The following NCOA2 variants were observed in gnomAD, a reference collection of about 807,000 sequenced individuals.
The protein encoded by NCOA2 is class E basic helix-loop-helix protein 75.
In NCOA2, 21 loss-of-function variants were observed where a neutral mutation model predicts 145.1. That is an observed-to-expected ratio of 0.14 (90% CI 0.10 to 0.21). The LOEUF (loss-of-function observed/expected upper bound fraction) is 0.21, where lower values mean the gene tolerates loss of function less well. Ranked by LOEUF, NCOA2 falls within the 10% of genes least tolerant of loss-of-function variation. NCOA2 has a pLI of 1.00. For missense variants in NCOA2, 1,472 were observed against 1,837.6 expected (o/e 0.80, Z 3.64); for synonymous variants, 619 against 637.5 (o/e 0.97, Z 0.44).
chr8:70,342,490 T>C (rs972880321), intron 1 of NCOA2, among the ~76,000 whole-genome samples: 1 of 152,058 alleles, frequency 6.6e-6, no homozygotes, highest in Non-Finnish European at 1.5e-5. Context: ...TAAATTACTT[T>C]TATGTTAAAA....
chr8:70,427,035 T>G, the NCOA2 span, among the ~76,000 whole-genome samples: 4 of 152,192 alleles, frequency 2.6e-5, no homozygotes, highest in African/African-American at 4.8e-5. Context: ...TCCTCCAACC[T>G]CAGCCTCCTG....
At chr8:70,450,392 G>T in the NCOA2 span, among the ~76,000 whole-genome samples, 1 of 152,030 alleles carries the variant, frequency 6.6e-6, no homozygotes, top group Non-Finnish European at 1.5e-5. Context: ...TAGCAAGAAG[G>T]TACCATCTCT....
chr8:70,113,437 T>A lies in NCOA2; in HGVS notation c.*195A>T. On this transcript the variant is annotated 3_prime_UTR_variant, in exon 23 of 23. Coordinates refer to ENST00000452400, the MANE Select transcript of NCOA2 (RefSeq NM_006540.4). Reference sequence around the variant, plus strand: ...GACTGTCTGGATGCGAGCTTCAGACTGTCAAGAGAAGAGGCAGCTCCTCCT... The same window carrying A: ...GACTGTCTGGATGCGAGCTTCAGACAGTCAAGAGAAGAGGCAGCTCCTCCT... The A allele has an allele frequency of 1.6e-6, 1 of 609,548 alleles. No individual in the cohort carries two copies. Among genetic ancestry groups the A allele is most frequent in the Non-Finnish European group, 2.9e-6 (1 of 342,068 alleles). 37.8% of individuals were successfully genotyped at this position (609,548 alleles called of 1,614,324 possible).
chr8:70,236,887 C>A (rs2134348327), intron 2 of NCOA2, among the ~76,000 whole-genome samples: 1 of 152,182 alleles, frequency 6.6e-6, no homozygotes, highest in South Asian at 2.1e-4. Flanking sequence ...TAGAACCAAT[C>A]CCCTGTAATA....
rs78768504 is a variant in NCOA2, at chr8:70,298,918, G to A, written c.-76-2118C>T. 1.9e-4 allele frequency among the ~76,000 whole-genome samples: 29 copies of A among 152,126 alleles called. No individual in the cohort carries two copies. In the East Asian group the frequency reaches 2.5e-3, roughly 13 times the overall value. On this transcript the variant is annotated intron_variant, in intron 1 of 22. Transcript: ENST00000452400. ...CTACTAAAATACTAAAAAATTAGCC[G>A]GCCGTGGTGGCAGGCGCCTGTAGTT... is the stretch of plus-strand genomic sequence containing the variant.
At chr8:70,418,352 A>C in the NCOA2 span, among the ~76,000 whole-genome samples, 2 of 152,314 alleles carry the variant, frequency 1.3e-5, no homozygotes, top group South Asian at 2.1e-4. Context: ...CCCTGGGCCT[A>C]CTGAACTTCA....
intron 14 of NCOA2, among the ~76,000 whole-genome samples, chr8:70,140,580 C>A: frequency 6.9e-6 from 1 of 145,472 alleles, no homozygotes; most frequent in Admixed American, 7.0e-5. Flanking sequence ...GAAACTACTG[C>A]TGTACCACCT....
chr8:70,380,979 A>G (rs1232173300), intron 1 of NCOA2, among the ~76,000 whole-genome samples: 1 of 151,692 alleles, frequency 6.6e-6, no homozygotes, highest in Non-Finnish European at 1.5e-5. Flanking sequence ...GGGATGAGGT[A>G]GGAGGATCAC....
intron 14 of NCOA2, 38 bp downstream of exon 14, chr8:70,141,146 A>T (rs758346814): frequency 1.9e-6 from 3 of 1,575,288 alleles, no homozygotes; most frequent in Admixed American, 1.8e-5. Context: ...CTAAGAGAGC[A>T]TAAAAGTTAA....
At chr8:70,235,852 A>C (rs986482317) in intron 2 of NCOA2, among the ~76,000 whole-genome samples, 3 of 152,124 alleles carry the variant, frequency 2.0e-5, no homozygotes, top group African/African-American at 7.2e-5. Flanking sequence ...TCAAAAAACA[A>C]ATTTTTTTTC....
rs992804685 is a variant in NCOA2 at position 70,346,686 on chromosome 8, C to T, written c.-76-49886G>A. Among the ~76,000 whole-genome samples the T allele has an allele frequency of 2.0e-5, 3 of 152,050 alleles. 1 individual carries two copies. The highest frequency in any genetic ancestry group is 4.1e-4 in the South Asian group (2 of 4,822). On this transcript the variant is annotated intron_variant, in intron 1 of 22. Coordinates refer to ENST00000452400, the MANE Select transcript of NCOA2 (RefSeq NM_006540.4). ...CAGCCTAGTGCCTACCTCATATTAC[C>T]GAAAATACCAGTGGAAGGGAGGCAG...
At chr8:70,295,468 G>A (rs1405623877) in intron 2 of NCOA2, among the ~76,000 whole-genome samples, 1 of 152,086 alleles carries the variant, frequency 6.6e-6, no homozygotes, top group Non-Finnish European at 1.5e-5. Context: ...TTCTTTACTT[G>A]ATTGTAAGAA....
chr8:70,144,147 T>C (rs1810765604), intron 13 of NCOA2, among the ~76,000 whole-genome samples: 1 of 152,228 alleles, frequency 6.6e-6, no homozygotes, highest in Non-Finnish European at 1.5e-5. Context: ...GGGGACCAGA[T>C]CTGAAAGCTA....
At position 70,156,206 on chromosome 8, in the gene NCOA2, C is replaced by T; in HGVS notation, c.2159G>A (p.Ser720Asn). 6.2e-7 allele frequency: 1 copy of T among 1,613,984 alleles called. No individual in the cohort carries two copies. Among genetic ancestry groups the T allele is most frequent in the Non-Finnish European group, 8.5e-7 (1 of 1,179,878 alleles). Residue 720 changes from serine to asparagine, a missense_variant, in exon 11 of 23, where the codon AGC becomes AAC. Around this residue, in one of 4 missense-constraint regions of NCOA2, gnomAD observed 953 missense variants for 1,062.1 expected, o/e 0.90. Coordinates refer to ENST00000452400, the MANE Select transcript of NCOA2 (RefSeq NM_006540.4). The part of the protein sequence containing the change: ...ATGKDLSQES[S>N]STAPGSEVTI... Reference sequence around the variant, plus strand: ...CACTTCTGATCCAGGAGCTGTGCTGCTGGACTCCTGGCTCAGGTCTTTGCC... The same window carrying T: ...CACTTCTGATCCAGGAGCTGTGCTGTTGGACTCCTGGCTCAGGTCTTTGCC...
chr8:70,225,986 G>A (rs1432233605), intron 2 of NCOA2, among the ~76,000 whole-genome samples: 2 of 152,082 alleles, frequency 1.3e-5, no homozygotes, highest in African/African-American at 4.8e-5. Flanking sequence ...CTGGCATATA[G>A]TAAGGGCTTA....
intron 4 of NCOA2, among the ~76,000 whole-genome samples, chr8:70,177,755 G>C (rs1158244243): frequency 6.6e-6 from 1 of 152,126 alleles, no homozygotes; most frequent in Non-Finnish European, 1.5e-5. Context: ...TTTAATTTAG[G>C]TTAATGTTGC....
intron 1 of NCOA2, among the ~76,000 whole-genome samples, chr8:70,310,602 A>G (rs186116069): frequency 2.0e-5 from 3 of 152,250 alleles, no homozygotes; most frequent in African/African-American, 7.2e-5. Context: ...TTAAAGATAC[A>G]CTTACAAATG....
chr8:70,270,660 T>TA (rs1212401520), intron 2 of NCOA2, among the ~76,000 whole-genome samples: 9 of 152,090 alleles, frequency 5.9e-5, no homozygotes, highest in Non-Finnish European at 1.3e-4. Flanking sequence ...TAAAAAACCA[T>TA]AAAAAAATTC....
chr8:70,357,778 C>T (rs958898608), intron 1 of NCOA2, among the ~76,000 whole-genome samples: 1 of 151,862 alleles, frequency 6.6e-6, no homozygotes, highest in Non-Finnish European at 1.5e-5. Context: ...ATGCCGAGCA[C>T]AGTGGCTCAC....
Sources: gnomAD v4.1 joint callset for allele counts (sites outside exome capture counted in the v4.1 genomes callset) on GRCh38, gnomAD v4.1.1 for gene constraint, gnomAD v4.1.1 regional missense constraint, MANE v1.5 for transcripts, NCBI Gene and HGNC (gene_info 2026-07-23, HGNC 2026-07-21) for gene names.